CPNE4: variants seen among roughly 807,000 people sequenced by gnomAD.
The protein encoded by CPNE4 is copine 4.
In CPNE4, 25 loss-of-function variants were observed where a neutral mutation model predicts 67.9. The ratio of observed to expected loss-of-function variants is 0.37; its 90% CI spans 0.27 to 0.51. CPNE4 has a LOEUF of 0.51. Ranked by LOEUF, CPNE4 falls within the 20% of genes least tolerant of loss-of-function variation. The probability of loss-of-function intolerance (pLI) is 0.93; values close to 1 mark genes in which losing one functional copy is unlikely to be tolerated. For missense variants in CPNE4, 464 were observed against 690.8 expected (o/e 0.67, Z 3.68); for synonymous variants, 242 against 244.9 (o/e 0.99, Z 0.11).
chr3:131,786,955 GCTCT>G (rs894543568), intron 2 of CPNE4, among the ~76,000 whole-genome samples: 43 of 152,272 alleles, frequency 2.8e-4, no homozygotes, highest in African/African-American at 8.7e-4. Context: ...ACCAGCACAT[GCTCT>G]CTCTGACTGC....
chr3:131,974,159 G>C (rs1332335762), intron 1 of CPNE4, among the ~76,000 whole-genome samples: 1 of 152,168 alleles, frequency 6.6e-6, no homozygotes, highest in Admixed American at 6.5e-5. Context: ...TCTTGCTTTT[G>C]TCAGAACTTT....
At chr3:131,782,674 TC>T (rs2083457961) in intron 2 of CPNE4, among the ~76,000 whole-genome samples, 1 of 152,084 alleles carries the variant, frequency 6.6e-6, no homozygotes, top group Non-Finnish European at 1.5e-5. Flanking sequence ...TAGGTTTCCT[TC>T]ATAGGGAATG....
At chr3:131,609,757 A>G (rs1939723532) in intron 7 of CPNE4, among the ~76,000 whole-genome samples, 1 of 152,222 alleles carries the variant, frequency 6.6e-6, no homozygotes, top group South Asian at 2.1e-4. Flanking sequence ...AGAATATTTC[A>G]TAAAAACAAG....
intron 2 of CPNE4, among the ~76,000 whole-genome samples, chr3:131,801,448 G>GTATATATATATATATATA (rs1468625662): frequency 1.7e-5 from 1 of 59,848 alleles, no homozygotes; most frequent in African/African-American, 7.3e-5. Flanking sequence ...GTGTGTGTGT[G>GTATATATATATATATATA]TGTGTATATA....
At chr3:131,948,983 C>T (rs2071640678) in intron 1 of CPNE4, among the ~76,000 whole-genome samples, 1 of 152,160 alleles carries the variant, frequency 6.6e-6, no homozygotes, top group Non-Finnish European at 1.5e-5. Context: ...GTTGGAATGC[C>T]AGCTCTGCTA....
intron 11 of CPNE4, among the ~76,000 whole-genome samples, chr3:131,559,695 G>T (rs1178440148): frequency 6.6e-6 from 1 of 151,880 alleles, no homozygotes; most frequent in East Asian, 1.9e-4. Flanking sequence ...GATACATTAG[G>T]ATAAAATTTT....
chr3:131,935,327 T>C (rs369416797), intron 1 of CPNE4, among the ~76,000 whole-genome samples: 1 of 152,138 alleles, frequency 6.6e-6, no homozygotes, highest in African/African-American at 2.4e-5. Context: ...GCTGGTAGAA[T>C]TGAAGAAATC....
At chr3:131,668,516 A>G (rs1217703067) in intron 7 of CPNE4, among the ~76,000 whole-genome samples, 1 of 152,140 alleles carries the variant, frequency 6.6e-6, no homozygotes, top group Non-Finnish European at 1.5e-5. Flanking sequence ...ATTTCAGGCA[A>G]TAACAGCAAC....
At chr3:131,716,721 GC>G (rs1364357442) in intron 3 of CPNE4, among the ~76,000 whole-genome samples, 1 of 152,198 alleles carries the variant, frequency 6.6e-6, no homozygotes, top group African/African-American at 2.4e-5. Flanking sequence ...CATTTTATGT[GC>G]ATTATTCTAC....
At chr3:131,601,611 C>T (rs542541620) in intron 7 of CPNE4, among the ~76,000 whole-genome samples, 2 of 152,224 alleles carry the variant, frequency 1.3e-5, no homozygotes, top group East Asian at 3.9e-4. Context: ...CTCTTCTAAG[C>T]ATAAGGTAAG....
intron 1 of CPNE4, among the ~76,000 whole-genome samples, chr3:132,023,692 T>A (rs1220950991): frequency 6.6e-6 from 1 of 152,112 alleles, no homozygotes. Context: ...TTTCACCGTT[T>A]TAGCCGGGAT....
At chr3:131,978,436 T>TTA (rs1171526162) in intron 1 of CPNE4, among the ~76,000 whole-genome samples, 1,230 of 3,040 alleles carry the variant, frequency 0.4, 541 homozygotes, top group Non-Finnish European at 0.51. Context: ...ATTTATATAT[T>TTA]TATATATATT....
chr3:131,717,876 T>TTC (rs1284480702), intron 3 of CPNE4, among the ~76,000 whole-genome samples: 1 of 24,328 alleles, frequency 4.1e-5, no homozygotes, highest in African/African-American at 1.1e-4. Context: ...TTTCTTTCTT[T>TTC]TCTTTCTTTC....
intron 1 of CPNE4, among the ~76,000 whole-genome samples, chr3:132,002,927 T>C (rs2073493860): frequency 6.6e-6 from 1 of 152,070 alleles, no homozygotes; most frequent in African/African-American, 2.4e-5. Context: ...GTGTGGTCCT[T>C]AGATCAGCAG....
chr3:131,656,039 C>T (rs942408103), intron 7 of CPNE4, among the ~76,000 whole-genome samples: 2 of 150,380 alleles, frequency 1.3e-5, no homozygotes, highest in Non-Finnish European at 2.9e-5. Flanking sequence ...CCAGATGTGG[C>T]CACAATACTG....
At chr3:131,863,862 C>A (rs1165434876) in intron 2 of CPNE4, among the ~76,000 whole-genome samples, 1 of 152,074 alleles carries the variant, frequency 6.6e-6, no homozygotes, top group Non-Finnish European at 1.5e-5. Flanking sequence ...GTCTTTAATC[C>A]ATCTTGAATT....
At chr3:131,985,316 A>G (rs1439545217) in intron 1 of CPNE4, among the ~76,000 whole-genome samples, 2 of 152,328 alleles carry the variant, frequency 1.3e-5, no homozygotes, top group South Asian at 2.1e-4. Flanking sequence ...TCAGTCTATA[A>G]CAACCTCTCA....
At chr3:131,546,637 G>C (rs1935854534) in intron 14 of CPNE4, among the ~76,000 whole-genome samples, 1 of 152,202 alleles carries the variant, frequency 6.6e-6, no homozygotes, top group South Asian at 2.1e-4. Flanking sequence ...TTAATGACCT[G>C]TCCTTTCATT....
At chr3:131,847,017 G>A (rs1248721909) in intron 2 of CPNE4, among the ~76,000 whole-genome samples, 2 of 152,134 alleles carry the variant, frequency 1.3e-5, no homozygotes, top group Non-Finnish European at 2.9e-5. Flanking sequence ...CATATCGCAG[G>A]AAGAGCATGA....
Sources: allele counts gnomAD v4.1 joint callset (sites outside exome capture counted in the v4.1 genomes callset), GRCh38; gene constraint gnomAD v4.1.1; transcripts MANE v1.5; gene names NCBI Gene and HGNC (gene_info 2026-07-23, HGNC 2026-07-21).